The following AGAP1 variants were observed in gnomAD, a reference collection of about 807,000 sequenced individuals.
The protein encoded by AGAP1 is ArfGAP with GTPase domain, ankyrin repeat and PH domain 1.
AGAP1 carries 29 observed loss-of-function variants against 105.3 expected under a neutral mutation model. The ratio of observed to expected loss-of-function variants is 0.28; its 90% CI spans 0.21 to 0.38. AGAP1 has a LOEUF of 0.38. AGAP1 is among the 10% of genes least tolerant of loss of function. The pLI, the probability that AGAP1 is intolerant of heterozygous loss-of-function variation, is 1.00. For missense variants in AGAP1, 998 were observed against 1,165.1 expected, an observed-to-expected ratio of 0.86 and a Z score of 2.09; for synonymous variants, 509 against 485.9, an observed-to-expected ratio of 1.05 and a Z score of -0.63.
At chr2:235,495,481 C>G (rs1489717363) in intron 1 of AGAP1, among the ~76,000 whole-genome samples, 1 of 152,208 alleles carries the variant, frequency 6.6e-6, no homozygotes, top group South Asian at 2.1e-4. Flanking sequence ...GAGGAAGAAC[C>G]CTACCAGGAG....
chr2:235,763,035 GGT>G (rs145122803), intron 6 of AGAP1, among the ~76,000 whole-genome samples: 5 of 139,932 alleles, frequency 3.6e-5, no homozygotes, highest in East Asian at 2.2e-4. Context: ...TTAAGGCTCG[GGT>G]GTGTGTGTGT....
chr2:235,762,827 C>T (rs1024863888), intron 6 of AGAP1, among the ~76,000 whole-genome samples: 1 of 152,038 alleles, frequency 6.6e-6, no homozygotes, highest in Admixed American at 6.6e-5. Flanking sequence ...GAGCTGAGAT[C>T]GTGGCACTGC....
rs2059879532 is a variant in AGAP1, at chr2:236,120,758, G to A, written c.2370+311G>A. ...AGAGAAGGCGGTGTATTAACGGGATGGCTTGTAGGGTTTCCCCATTTCCAA... is the reference window on the plus strand; with the variant it reads ...AGAGAAGGCGGTGTATTAACGGGATAGCTTGTAGGGTTTCCCCATTTCCAA... On this transcript the variant is annotated intron_variant, in intron 17 of 17. Transcript: ENST00000304032. This position sits in a 1 kb window ranked among gnomAD's most constrained non-coding sequence, Gnocchi z 6.0. 6.6e-6 allele frequency among the ~76,000 whole-genome samples: 1 copy of A among 152,160 alleles called. No individual in the cohort carries two copies. The highest frequency in any genetic ancestry group is 6.5e-5 in the Admixed American group (1 of 15,278).
At position 236,083,365 on chromosome 2, in the gene AGAP1, T is replaced by C. The variant is rs1375298977; in HGVS notation, c.2114+34084T>C. Among the ~76,000 whole-genome samples, 1 of 152,214 alleles carries C rather than the reference T, an allele frequency of 6.6e-6. No homozygotes were observed. Among genetic ancestry groups the C allele is most frequent in the Non-Finnish European group, 1.5e-5 (1 of 68,030 alleles). On this transcript the variant is annotated intron_variant, in intron 16 of 17. Coordinates refer to ENST00000304032, the MANE Select transcript of AGAP1 (RefSeq NM_001037131.3). This position sits in a 1 kb window ranked among gnomAD's most constrained non-coding sequence, Gnocchi z 5.3. ...GCTCTTTACGTTGACATTGTGGCTT[T>C]GGAGGCTGATATTTTCTCTAAAGGA...
At chr2:235,617,691 G>C (rs972346234) in intron 1 of AGAP1, among the ~76,000 whole-genome samples, 5 of 152,184 alleles carry the variant, frequency 3.3e-5, no homozygotes, top group African/African-American at 1.2e-4. Flanking sequence ...GACAGACTGA[G>C]ATTCCATCTC....
intron 16 of AGAP1, among the ~76,000 whole-genome samples, chr2:236,099,868 C>T (rs1240314139): frequency 1.3e-5 from 2 of 151,978 alleles, no homozygotes; most frequent in Non-Finnish European, 2.9e-5. Flanking sequence ...GGTGAAACCC[C>T]GTCTCTACTA....
intron 13 of AGAP1, among the ~76,000 whole-genome samples, chr2:236,024,006 A>G (rs2056967187): frequency 6.9e-6 from 1 of 145,898 alleles, no homozygotes; most frequent in South Asian, 2.2e-4. Context: ...ACCCATCAGT[A>G]GTTTGTGGTT....
At chr2:235,626,630 C>T (rs1185950813) in intron 1 of AGAP1, among the ~76,000 whole-genome samples, 1 of 152,128 alleles carries the variant, frequency 6.6e-6, no homozygotes, top group Non-Finnish European at 1.5e-5. Flanking sequence ...CCTCAATGAA[C>T]ACGCTAATTA....
chr2:235,805,165 T>C (rs987729693), intron 8 of AGAP1, among the ~76,000 whole-genome samples: 12 of 152,232 alleles, frequency 7.9e-5, no homozygotes, highest in African/African-American at 2.4e-4. Flanking sequence ...GTTTTTTGAC[T>C]GTCTCCGGCA....
rs1453912139 is a variant in AGAP1 at position 235,957,364 on chromosome 2, C to T, written c.1484-11098C>T. ...GGTTCTGGCTCCTCCTATTGTATTC[C>T]TTTCCTCCCCGTTTTTATAACTCAG... On this transcript the variant is annotated intron_variant, in intron 12 of 17. Transcript: ENST00000304032. This position sits in a 1 kb window ranked among gnomAD's most constrained non-coding sequence, Gnocchi z 4.6. 6.6e-6 allele frequency among the ~76,000 whole-genome samples: 1 copy of T among 152,190 alleles called. No individual in the cohort carries two copies. Among genetic ancestry groups the T allele is most frequent in the African/African-American group, 2.4e-5 (1 of 41,440 alleles).
chr2:235,650,927 C>T (rs1947562849), intron 1 of AGAP1, among the ~76,000 whole-genome samples: 1 of 152,024 alleles, frequency 6.6e-6, no homozygotes, highest in Non-Finnish European at 1.5e-5. Context: ...CGCCTATAAT[C>T]CCAGCACTTT....
intron 1 of AGAP1, among the ~76,000 whole-genome samples, chr2:235,558,122 G>T (rs1230494102): frequency 6.6e-6 from 1 of 152,176 alleles, no homozygotes; most frequent in Non-Finnish European, 1.5e-5. Context: ...TGTGGAAGGG[G>T]CCTTTCTGTG....
At chr2:235,814,721 A>G (rs1958353107) in intron 9 of AGAP1, among the ~76,000 whole-genome samples, 1 of 152,140 alleles carries the variant, frequency 6.6e-6, no homozygotes, top group Non-Finnish European at 1.5e-5. Flanking sequence ...GGTGGGGACA[A>G]TCCCACTGGA....
rs1257654595 is a variant in AGAP1, at chr2:235,953,244, A to G, written c.1484-15218A>G. On this transcript the variant is annotated intron_variant, in intron 12 of 17. Transcript: ENST00000304032. The surrounding 1 kb of genome is among the most constrained non-coding windows in gnomAD (Gnocchi z 5.2). ...TTTCTATGAGGACAGATAAGGGGGA[A>G]TGAATTTTGCAAATTAGCATTTGAT... is the stretch of plus-strand genomic sequence containing the variant. Among the ~76,000 whole-genome samples, 1 of 152,230 alleles carries G rather than the reference A, an allele frequency of 6.6e-6. No homozygotes were observed. Among genetic ancestry groups the G allele is most frequent in the Admixed American group, 6.5e-5 (1 of 15,284 alleles).
intron 1 of AGAP1, among the ~76,000 whole-genome samples, chr2:235,512,089 A>ATG (rs1553555042): frequency 1.1e-4 from 3 of 27,130 alleles, no homozygotes; most frequent in Non-Finnish European, 1.8e-4. Flanking sequence ...GCGTGTGTGA[A>ATG]TGTGTGTGTG....
intron 1 of AGAP1, among the ~76,000 whole-genome samples, chr2:235,686,554 TATACAC>T (rs1163434272): frequency 1.8e-4 from 9 of 51,390 alleles, no homozygotes; most frequent in Admixed American, 3.7e-4. Flanking sequence ...GAGATATATA[TATACAC>T]ACACACACAC....
At position 236,009,024 on chromosome 2, in the gene AGAP1, T is replaced by C. The variant is rs1044746802; in HGVS notation, c.1646-27537T>C. Reference sequence around the variant, plus strand: ...TATTTGCTTGGCCTCGGGTTTTGTTTAATCCCTTCAAAGGCCCTTTGAACT... The same window carrying C: ...TATTTGCTTGGCCTCGGGTTTTGTTCAATCCCTTCAAAGGCCCTTTGAACT... On this transcript the variant is annotated intron_variant, in intron 13 of 17. Transcript: ENST00000304032. This position sits in a 1 kb window ranked among gnomAD's most constrained non-coding sequence, Gnocchi z 4.2. 1.1e-4 allele frequency among the ~76,000 whole-genome samples: 16 copies of C among 152,334 alleles called. No individual in the cohort carries two copies. The highest frequency in any genetic ancestry group is 3.8e-4 in the African/African-American group (16 of 41,572).
rs778891159 is a variant in AGAP1 at position 235,635,430 on chromosome 2, A to G, written c.164-73749A>G. Among the ~76,000 whole-genome samples, 23 of 152,118 alleles carry G rather than the reference A, an allele frequency of 1.5e-4. No homozygotes were observed. Among genetic ancestry groups the G allele is most frequent in the Non-Finnish European group, 3.1e-4 (21 of 68,020 alleles). On this transcript the variant is annotated intron_variant, in intron 1 of 17. Coordinates refer to ENST00000304032, the MANE Select transcript of AGAP1 (RefSeq NM_001037131.3). The surrounding 1 kb of genome is among the most constrained non-coding windows in gnomAD (Gnocchi z 5.3). ...GGTAATAAGCCCTCCTAGGAAAACAAATTACTCTGAAAATTTGTCATTTTG... is the reference window on the plus strand; with the variant it reads ...GGTAATAAGCCCTCCTAGGAAAACAGATTACTCTGAAAATTTGTCATTTTG...
intron 1 of AGAP1, among the ~76,000 whole-genome samples, chr2:235,626,883 G>A (rs1054855049): frequency 6.6e-6 from 1 of 152,186 alleles, no homozygotes; most frequent in African/African-American, 2.4e-5. Flanking sequence ...CACATGGTGG[G>A]CTGGATTTGG....
Sources: allele counts gnomAD v4.1 joint callset (sites outside exome capture counted in the v4.1 genomes callset), GRCh38; gene constraint gnomAD v4.1.1; non-coding constraint Gnocchi (gnomAD v3.1); transcripts MANE v1.5; gene names NCBI Gene and HGNC (gene_info 2026-07-23, HGNC 2026-07-21).